The following RGPD2 variants were observed in gnomAD, a reference collection of about 807,000 sequenced individuals.
RGPD2 encodes RANBP2 like and GRIP domain containing 2, also known as RANBP2-like and GRIP domain-containing protein 2.
RGPD2 carries 2 observed loss-of-function variants against 36.0 expected under a neutral mutation model. That is an observed-to-expected ratio of 0.06 (90% confidence interval 0.02 to 0.17). RGPD2 has a LOEUF of 0.17. Ranked by LOEUF, RGPD2 falls within the 10% of genes least tolerant of loss-of-function variation. The probability of loss-of-function intolerance (pLI) is 1.00; values close to 1 mark genes in which losing one functional copy is unlikely to be tolerated. For synonymous variants in RGPD2, 19 were observed against 163.8 expected (o/e 0.12, Z 6.75); for missense variants, 40 against 464.3 (o/e 0.09, Z 8.40).
chr2:87,955,278 G>C, the RGPD2 span, among the ~76,000 whole-genome samples: 59 of 148,288 alleles, frequency 4.0e-4, 1 homozygote, highest in Middle Eastern at 6.8e-3. Flanking sequence ...GCCTCCCAAA[G>C]TGCTGGGATT....
the RGPD2 span, among the ~76,000 whole-genome samples, chr2:87,872,340 A>C: frequency 0.036 from 4,136 of 115,376 alleles, no homozygotes; most frequent in African/African-American, 0.099. Context: ...CCAAGGGGAA[A>C]ATCACACAAA....
chr2:87,921,896 T>C, the RGPD2 span, among the ~76,000 whole-genome samples: 1 of 151,816 alleles, frequency 6.6e-6, no homozygotes, highest in Non-Finnish European at 1.5e-5. Flanking sequence ...ATTGCCTTGG[T>C]GTTTGATTGT....
chr2:87,929,475 T>TG, the RGPD2 span, among the ~76,000 whole-genome samples: 51,214 of 147,068 alleles, frequency 0.35, 9,264 homozygotes, highest in African/African-American at 0.46. Context: ...TTTGTTTTTT[T>TG]TGTGTGTGTG....
At chr2:87,940,556 G>C in the RGPD2 span, among the ~76,000 whole-genome samples, 18,881 of 131,340 alleles carry the variant, frequency 0.14, 1,949 homozygotes, top group African/African-American at 0.31. Context: ...ACTAGAGTCT[G>C]CATGGCACTT....
At chr2:87,831,002 T>A in the RGPD2 span, among the ~76,000 whole-genome samples, 1 of 152,208 alleles carries the variant, frequency 6.6e-6, no homozygotes, top group Non-Finnish European at 1.5e-5. Flanking sequence ...CCACACAGGC[T>A]TTAAAATTAA....
intron 1 of RGPD2, 33 bp downstream of exon 1, chr2:87,825,625 T>A: frequency 6.7e-7 from 1 of 1,496,734 alleles, no homozygotes; most frequent in Non-Finnish European, 9.0e-7. Context: ...CCCGGCCAGG[T>A]CGAGGCCGTC....
chr2:87,971,562 A>T, the RGPD2 span, among the ~76,000 whole-genome samples: 4 of 144,510 alleles, frequency 2.8e-5, no homozygotes, highest in Admixed American at 2.8e-4. Flanking sequence ...TAAAATATTG[A>T]GTATCATGAG....
the RGPD2 span, among the ~76,000 whole-genome samples, chr2:87,905,189 A>G: frequency 4.6e-5 from 7 of 152,264 alleles, no homozygotes; most frequent in African/African-American, 1.7e-4. Flanking sequence ...CGTGGAGGAC[A>G]AAATTTTGTA....
At chr2:87,881,367 C>A in the RGPD2 span, among the ~76,000 whole-genome samples, 4 of 152,276 alleles carry the variant, frequency 2.6e-5, no homozygotes, top group Non-Finnish European at 5.9e-5. Flanking sequence ...TACCTCCACA[C>A]TGCTCTGTCA....
At chr2:87,870,366 T>C in the RGPD2 span, among the ~76,000 whole-genome samples, 1 of 152,234 alleles carries the variant, frequency 6.6e-6, no homozygotes, top group East Asian at 1.9e-4. Flanking sequence ...AAGCCAAGAT[T>C]TACCTTGCCC....
the RGPD2 span, among the ~76,000 whole-genome samples, chr2:87,864,103 C>T: frequency 1.3e-5 from 2 of 151,956 alleles, no homozygotes; most frequent in Non-Finnish European, 2.9e-5. Context: ...GCTCAGATAA[C>T]TAGTGAATCA....
At chr2:87,984,727 G>A in the RGPD2 span, among the ~76,000 whole-genome samples, 4 of 148,550 alleles carry the variant, frequency 2.7e-5, no homozygotes, top group African/African-American at 5.0e-5. Flanking sequence ...TCAGGAGATC[G>A]AGACCATCCT....
chr2:87,879,019 A>C, the RGPD2 span, among the ~76,000 whole-genome samples: 2 of 152,202 alleles, frequency 1.3e-5, no homozygotes, highest in African/African-American at 2.4e-5. Context: ...TTGGTTATTG[A>C]GAATAGTGCT....
At chr2:87,866,594 C>G in the RGPD2 span, among the ~76,000 whole-genome samples, 6 of 152,370 alleles carry the variant, frequency 3.9e-5, no homozygotes, top group East Asian at 1.2e-3. Context: ...GGTGCGATCC[C>G]CACCTCTAGC....
the RGPD2 span, among the ~76,000 whole-genome samples, chr2:87,966,917 ACT>A: frequency 2.8e-5 from 3 of 108,064 alleles, no homozygotes; most frequent in African/African-American, 6.7e-5. Context: ...ACAGAATGAG[ACT>A]CTGTCTCAAA....
At chr2:87,913,432 T>C in the RGPD2 span, among the ~76,000 whole-genome samples, 1 of 151,830 alleles carries the variant, frequency 6.6e-6, no homozygotes, top group African/African-American at 2.4e-5. Context: ...TTGGGAGATA[T>C]ACCTAATGCT....
intron 1 of RGPD2, among the ~76,000 whole-genome samples, chr2:87,823,877 AC>A (rs1202796448): frequency 7.6e-6 from 1 of 131,674 alleles, no homozygotes; most frequent in Non-Finnish European, 1.6e-5. Context: ...ATTCTAAAAA[AC>A]AAATAAATAA....
At chr2:87,857,331 A>G in the RGPD2 span, among the ~76,000 whole-genome samples, 64 of 152,250 alleles carry the variant, frequency 4.2e-4, no homozygotes, top group Non-Finnish European at 4.1e-4. Context: ...ACTCAATAAT[A>G]TTTAAAATAT....
At chr2:87,873,241 A>G in the RGPD2 span, among the ~76,000 whole-genome samples, 1 of 139,444 alleles carries the variant, frequency 7.2e-6, no homozygotes, top group South Asian at 2.2e-4. Flanking sequence ...CCTGTCTACT[A>G]CTGATGGTCA....
Sources: allele counts gnomAD v4.1 joint callset (sites outside exome capture counted in the v4.1 genomes callset), GRCh38; gene constraint gnomAD v4.1.1; transcripts MANE v1.5; gene names NCBI Gene and HGNC (gene_info 2026-07-23, HGNC 2026-07-21).